The following NPAS1 variants were observed in gnomAD, a reference collection of about 807,000 sequenced individuals.
NPAS1 encodes the protein neuronal PAS domain protein 1.
In NPAS1, 29 loss-of-function variants were observed where a neutral mutation model predicts 49.2. The observed-to-expected ratio is 0.59, with a 90% confidence interval of 0.44 to 0.80. NPAS1 has a LOEUF of 0.80. Ranked by LOEUF, NPAS1 falls within the 30% of genes least tolerant of loss-of-function variation. The pLI, the probability that NPAS1 is intolerant of heterozygous loss-of-function variation, is 0.00. For synonymous variants in NPAS1, 408 were observed against 380.4 expected, an observed-to-expected ratio of 1.07 and a Z score of -0.84; for missense variants, 825 against 835.5, an observed-to-expected ratio of 0.99 and a Z score of 0.15.
At chr19:47,029,239 G>A (rs573688875) in intron 3 of NPAS1, among the ~76,000 whole-genome samples, 91 of 149,500 alleles carry the variant, frequency 6.1e-4, no homozygotes, top group African/African-American at 2.0e-3. Flanking sequence ...ACACCACCAC[G>A]CCCGGCTAGT....
At chr19:47,029,927 A>G (rs1389102644) in intron 3 of NPAS1, among the ~76,000 whole-genome samples, 1 of 152,202 alleles carries the variant, frequency 6.6e-6, no homozygotes, top group Non-Finnish European at 1.5e-5. Context: ...TGGCTGTACA[A>G]TTTTACATTC....
rs955581855 is a variant in NPAS1, at chr19:47,023,985, G to A, written c.358+2138G>A. ...CCGGGCGTGGTGGTGTGTGCCTGTA[G>A]TCCCAGCTACTCCGGAGGCTAAGGC... On this transcript the variant is annotated intron_variant, in intron 3 of 11. Coordinates refer to ENST00000602212, the MANE Select transcript of NPAS1 (RefSeq NM_002517.4). Among the ~76,000 whole-genome samples, 3 of 152,040 alleles carry A rather than the reference G, an allele frequency of 2.0e-5. No individual in the cohort carries two copies. In the South Asian group the frequency reaches 6.2e-4, roughly 32 times the overall value.
intron 6 of NPAS1, among the ~76,000 whole-genome samples, chr19:47,036,847 A>C (rs1599911192): frequency 1.3e-5 from 2 of 151,896 alleles, no homozygotes. Context: ...GTGCCACTGC[A>C]CTCCAGCCTG....
In NPAS1 at chr19:47,021,253, A is replaced by G. The variant is rs2056839182; in HGVS notation, c.122+84A>G. 9 of 1,253,106 alleles carry G rather than the reference A, an allele frequency of 7.2e-6. No homozygotes were observed. The highest frequency in any genetic ancestry group is 9.7e-6 in the Non-Finnish European group (9 of 923,782). 77.6% of individuals were successfully genotyped at this position (1,253,106 alleles called of 1,614,324 possible). Reference sequence around the variant, plus strand: ...ATGTTCTGTCCCCGTGCCAAGGGGCAGTTCACACCCAGCTCCCTGACCCGC... The same window carrying G: ...ATGTTCTGTCCCCGTGCCAAGGGGCGGTTCACACCCAGCTCCCTGACCCGC... On this transcript the variant is annotated intron_variant, in intron 2 of 11. Transcript: ENST00000602212. The surrounding 1 kb of genome is among the most constrained non-coding windows in gnomAD (Gnocchi z 5.7).
At position 47,021,316 on chromosome 19, in the gene NPAS1, C is replaced by G; in HGVS notation, c.122+147C>G. 1.4e-6 allele frequency: 1 copy of G among 719,038 alleles called. No homozygotes were observed. The highest frequency in any genetic ancestry group is 2.2e-6 in the Non-Finnish European group (1 of 459,378). The allele number at this position is 719,038 out of a possible 1,614,324, so 44.5% of individuals were successfully genotyped here. A position where few individuals can be genotyped will look rare whatever the true frequency, so the allele number is the denominator to read the frequency against. ...GAAGGTCTTACCTTGAGTTAACTAC[C>G]GTCCTGAGCCCGGTCCCCTGCGTTC... On this transcript the variant is annotated intron_variant, in intron 2 of 11. Transcript: ENST00000602212. This position sits in a 1 kb window ranked among gnomAD's most constrained non-coding sequence, Gnocchi z 5.7.
chr19:47,032,313 G>T lies in NPAS1; in HGVS notation c.394G>T (p.Glu132Ter). 1 of 1,614,016 alleles carries T rather than the reference G, an allele frequency of 6.2e-7. No homozygotes were observed. The change falls in exon 4 of 12, where the codon GAA (glutamate) becomes TAA (stop). Residue 132 changes from glutamate to a stop codon, truncating the protein, a stop_gained. Coordinates refer to ENST00000602212, the MANE Select transcript of NPAS1 (RefSeq NM_002517.4). LOFTEE classifies it high-confidence loss of function. ...GRRGPAALVS[E>*]VFEQHLGGHI... ...CCGCGGCCCCGCAGCGCTGGTCTCC[G>T]AAGTCTTCGAGCAGCACCTGGGAGG... is the stretch of plus-strand genomic sequence containing the variant.
In NPAS1 at chr19:47,039,120, G is replaced by T; in HGVS notation, c.773G>T (p.Arg258Met). 6.2e-7 allele frequency: 1 copy of T among 1,613,274 alleles called. No homozygotes were observed. Among genetic ancestry groups the T allele is most frequent in the South Asian group, 1.1e-5 (1 of 90,956 alleles). The change falls in exon 7 of 12, where the codon AGG (arginine) becomes ATG (methionine). Residue 258 changes from arginine (R) to methionine (M), a missense_variant. Arg to Met is a moderately conservative substitution (Grantham distance 91). Coordinates refer to ENST00000602212, the MANE Select transcript of NPAS1 (RefSeq NM_002517.4). ...CGCATGAAATCCACGCTCACCAAGA[G>T]GGGGCTGCACGTCAAGGCCTCAGGG... ...FVRMKSTLTK[R>M]GLHVKASGYK...
In NPAS1 at chr19:47,040,560, A is replaced by C. The variant is rs1599919865; in HGVS notation, c.1069+10A>C. 1 of 1,540,346 alleles carries C rather than the reference A, an allele frequency of 6.5e-7. No homozygotes were observed. The highest frequency in any genetic ancestry group is 8.8e-7 in the Non-Finnish European group (1 of 1,134,092). ...CAGAGCCACGTGGACTGTGAGACCC[A>C]CCTCCACCCACCAAGCCTGCCTACC... On this transcript the variant is annotated intron_variant, in intron 9 of 11. Coordinates refer to ENST00000602212, the MANE Select transcript of NPAS1 (RefSeq NM_002517.4).
In NPAS1 at chr19:47,021,227, G is replaced by C. The variant is rs998057815; in HGVS notation, c.122+58G>C. On this transcript the variant is annotated intron_variant, in intron 2 of 11. Coordinates refer to ENST00000602212, the MANE Select transcript of NPAS1 (RefSeq NM_002517.4). This position sits in a 1 kb window ranked among gnomAD's most constrained non-coding sequence, Gnocchi z 5.7. Reference sequence around the variant, plus strand: ...CCCCCCCCGGGTCCAATTCACACCCGATGTTCTGTCCCCGTGCCAAGGGGC... The same window carrying C: ...CCCCCCCCGGGTCCAATTCACACCCCATGTTCTGTCCCCGTGCCAAGGGGC... 7.1e-6 allele frequency: 10 copies of C among 1,417,544 alleles called. No homozygotes were observed. In the Admixed American group the frequency reaches 9.9e-5, roughly 14 times the overall value. The allele number at this position is 1,417,544 out of a possible 1,614,324, so 87.8% of individuals were successfully genotyped here.
chr19:47,040,739 G>C (rs566337494), intron 9 of NPAS1, 189 bp downstream of exon 9: 252 of 289,448 alleles, frequency 8.7e-4, no homozygotes, highest in African/African-American at 5.6e-3. Context: ...ATGTGTGTGT[G>C]GGGGGGGGGT....
At chr19:47,034,486 T>C (rs1014766699) in intron 5 of NPAS1, among the ~76,000 whole-genome samples, 5 of 152,158 alleles carry the variant, frequency 3.3e-5, no homozygotes, top group Non-Finnish European at 5.9e-5. Context: ...ATTCAGTGCA[T>C]TGGCAACTTG....
intron 5 of NPAS1, among the ~76,000 whole-genome samples, chr19:47,035,103 C>T (rs1599907131): frequency 6.6e-6 from 1 of 151,696 alleles, no homozygotes; most frequent in South Asian, 2.1e-4. Context: ...ATTGCTTGAA[C>T]CTGGGAGGCA....
intron 1 of NPAS1, among the ~76,000 whole-genome samples, chr19:47,020,715 C>A (rs2056833533): frequency 6.6e-6 from 1 of 150,960 alleles, no homozygotes; most frequent in Admixed American, 6.6e-5. Context: ...GATCCGTATG[C>A]GCGCCGCGTG....
At chr19:47,037,133 CCT>C (rs2056964759) in intron 6 of NPAS1, among the ~76,000 whole-genome samples, 2 of 151,252 alleles carry the variant, frequency 1.3e-5, no homozygotes, top group South Asian at 2.1e-4. Context: ...GGGCGGATCA[CCT>C]GAGGTCGGGA....
chr19:47,032,441 T>C lies in NPAS1; in HGVS notation c.432+90T>C. The C allele has an allele frequency of 4.3e-6, 6 of 1,394,590 alleles. No homozygotes were observed. The South Asian group carries it at 4.7e-5, about 11-fold the overall frequency. The allele number at this position is 1,394,590 out of a possible 1,614,324, so 86.4% of individuals were successfully genotyped here. A position where few individuals can be genotyped will look rare whatever the true frequency, so the allele number is the denominator to read the frequency against. On this transcript the variant is annotated intron_variant, in intron 4 of 11. Transcript: ENST00000602212. ...AGCAGCCTCTTCAGCATCCATCTAT[T>C]GTGGGGGGTACCTGGACTGGGAAGG...
chr19:47,026,459 C>T (rs1167065503), intron 3 of NPAS1, among the ~76,000 whole-genome samples: 1 of 152,140 alleles, frequency 6.6e-6, no homozygotes, highest in Admixed American at 6.5e-5. Flanking sequence ...AAGTAGGAGC[C>T]CAGTGAGGAT....
chr19:47,021,204 C>G lies in NPAS1; in HGVS notation c.122+35C>G. 6.7e-7 allele frequency: 1 copy of G among 1,482,988 alleles called. No individual in the cohort carries two copies. Among genetic ancestry groups the G allele is most frequent in the Non-Finnish European group, 9.0e-7 (1 of 1,112,290 alleles). The allele number at this position is 1,482,988 out of a possible 1,614,324, so 91.9% of individuals were successfully genotyped here. A position where few individuals can be genotyped will look rare whatever the true frequency, so the allele number is the denominator to read the frequency against. Reference sequence around the variant, plus strand: ...GCCCCGCCCCCCTGGCCGCGGGCCCCCCCCCGGGTCCAATTCACACCCGAT... The same window carrying G: ...GCCCCGCCCCCCTGGCCGCGGGCCCGCCCCCGGGTCCAATTCACACCCGAT... On this transcript the variant is annotated intron_variant, in intron 2 of 11. Coordinates refer to ENST00000602212, the MANE Select transcript of NPAS1 (RefSeq NM_002517.4). The surrounding 1 kb of genome is among the most constrained non-coding windows in gnomAD (Gnocchi z 5.7).
chr19:47,030,175 C>T (rs1047045060), intron 3 of NPAS1, among the ~76,000 whole-genome samples: 20 of 152,082 alleles, frequency 1.3e-4, no homozygotes, highest in African/African-American at 4.6e-4. Flanking sequence ...AGGTGCACGC[C>T]ACCACGCCCA....
Position 47,045,747 on chromosome 19 carries a change from G to T in NPAS1, c.*96G>T, listed in dbSNP as rs1484021630. 4 of 1,145,952 alleles carry T rather than the reference G, an allele frequency of 3.5e-6. No individual in the cohort carries two copies. The highest frequency in any genetic ancestry group is 6.8e-5 in the Admixed American group (2 of 29,230). The allele number at this position is 1,145,952 out of a possible 1,614,324, so 71.0% of individuals were successfully genotyped here. A position where few individuals can be genotyped will look rare whatever the true frequency, so the allele number is the denominator to read the frequency against. ...CCCGTAGCCCTGAGAATTAAACGCC[G>T]GCTCTCCCTGCAGTGGTTTGGGCTC... On this transcript the variant is annotated 3_prime_UTR_variant, in exon 12 of 12. Transcript: ENST00000602212.
Sources: gnomAD v4.1 joint callset for allele counts (sites outside exome capture counted in the v4.1 genomes callset) on GRCh38, gnomAD v4.1.1 for gene constraint, Gnocchi (gnomAD v3.1) non-coding constraint, MANE v1.5 for transcripts, NCBI Gene and HGNC (gene_info 2026-07-23, HGNC 2026-07-21) for gene names.